Variants in FAAH2 observed in about 807,000 individuals in gnomAD.
The protein encoded by FAAH2 is fatty-acid amide hydrolase 2.
FAAH2 carries 60 observed loss-of-function variants against 36.9 expected under a neutral mutation model. The ratio of observed to expected loss-of-function variants is 1.63; its 90% confidence interval spans 1.32 to 2.02. The LOEUF is 2.02. Among genes scored for constraint, FAAH2 ranks in the 30% most tolerant of loss-of-function variants. The probability of loss-of-function intolerance (pLI) is 0.00; values close to 1 mark genes in which losing one functional copy is unlikely to be tolerated. For missense variants in FAAH2, 689 were observed against 397.5 expected (o/e 1.73, Z -6.23); for synonymous variants, 214 against 143.8 (o/e 1.49, Z -3.49).
At chrX:57,442,375 G>C (rs2056578885) in intron 8 of FAAH2, among the ~76,000 whole-genome samples, 1 of 111,563 alleles carries the variant, frequency 9.0e-6, no homozygotes, top group Non-Finnish European at 1.9e-5. Context: ...GGCCTTCTTT[G>C]TCTCTTTTGA....
intron 2 of FAAH2, among the ~76,000 whole-genome samples, chrX:57,309,937 A>G (rs748775133): frequency 1.2e-4 from 13 of 111,946 alleles, no homozygotes; most frequent in Non-Finnish European, 2.1e-4. Flanking sequence ...TCTTTTGGGT[A>G]TATATCCAAT....
chrX:57,391,055 T>A (rs1015930229), intron 7 of FAAH2, among the ~76,000 whole-genome samples: 3 of 111,953 alleles, frequency 2.7e-5, no homozygotes, highest in Admixed American at 9.5e-5. Context: ...GGTTTTAATT[T>A]ACATTTCTCT....
chrX:57,457,256 A>G (rs2056878260), intron 10 of FAAH2, among the ~76,000 whole-genome samples: 2 of 111,704 alleles, frequency 1.8e-5, no homozygotes, highest in African/African-American at 6.5e-5. Flanking sequence ...ACATCCCTTA[A>G]TGACAAAAGC....
intron 3 of FAAH2, among the ~76,000 whole-genome samples, chrX:57,318,676 C>A (rs1483080056): frequency 9.0e-6 from 1 of 111,624 alleles, no homozygotes; most frequent in Non-Finnish European, 1.9e-5. Flanking sequence ...TTTTATGGGG[C>A]CAGCATCGTC....
At chrX:57,271,286 C>T in the FAAH2 span, among the ~76,000 whole-genome samples, 1 of 112,793 alleles carries the variant, frequency 8.9e-6, no homozygotes, top group African/African-American at 3.2e-5. Flanking sequence ...CAGATTTCTC[C>T]TCTCTGGACA....
intron 7 of FAAH2, chrX:57,394,658 AC>A (rs200105825): frequency 0.17 from 163,688 of 944,630 alleles, 12,030 homozygotes; most frequent in Non-Finnish European, 0.2. Context: ...ATGCCACATC[AC>A]CCACAACTTT....
At chrX:57,420,068 A>T (rs2055968950) in intron 7 of FAAH2, among the ~76,000 whole-genome samples, 1 of 111,301 alleles carries the variant, frequency 9.0e-6, no homozygotes, top group Non-Finnish European at 1.9e-5. Context: ...GTTCTTTTCC[A>T]TTGATATATA....
At chrX:57,265,153 G>A in the FAAH2 span, among the ~76,000 whole-genome samples, 1 of 111,562 alleles carries the variant, frequency 9.0e-6, no homozygotes, top group Admixed American at 9.5e-5. Flanking sequence ...TGGGCCTTCA[G>A]TCTGACACAG....
intron 5 of FAAH2, among the ~76,000 whole-genome samples, chrX:57,359,002 C>A (rs1182604430): frequency 9.0e-6 from 1 of 110,786 alleles, no homozygotes; most frequent in Non-Finnish European, 1.9e-5. Flanking sequence ...GGATTTTCAT[C>A]ACCTGTAGCA....
intron 8 of FAAH2, among the ~76,000 whole-genome samples, chrX:57,441,710 A>T (rs986301160): frequency 2.7e-5 from 3 of 110,984 alleles, no homozygotes; most frequent in Non-Finnish European, 3.8e-5. Flanking sequence ...TAGGGTGTCA[A>T]TTTGAGATCT....
At chrX:57,447,333 G>T (rs896525795) in intron 9 of FAAH2, among the ~76,000 whole-genome samples, 3 of 111,174 alleles carry the variant, frequency 2.7e-5, no homozygotes, top group Non-Finnish European at 5.7e-5. Context: ...TTTTCTGGGT[G>T]TACTGTGCAA....
chrX:57,256,453 C>T, the FAAH2 span, among the ~76,000 whole-genome samples: 3 of 111,562 alleles, frequency 2.7e-5, no homozygotes, highest in South Asian at 3.7e-4. Context: ...AAAAGGACCC[C>T]GCATAGCCAA....
chrX:57,270,195 T>A, the FAAH2 span, among the ~76,000 whole-genome samples: 17 of 111,461 alleles, frequency 1.5e-4, no homozygotes, highest in African/African-American at 5.2e-4. Flanking sequence ...AACAGACCAA[T>A]AATGAGCTCT....
the FAAH2 span, among the ~76,000 whole-genome samples, chrX:57,281,434 A>G: frequency 2.7e-5 from 3 of 111,780 alleles, no homozygotes; most frequent in African/African-American, 6.5e-5. Context: ...TAAGACATAC[A>G]TTTGTTTTTA....
rs2055909440 is a variant in FAAH2 at position 57,418,544 on chromosome X, C to T, written c.997-13374C>T. Among the ~76,000 whole-genome samples the T allele has an allele frequency of 2.7e-5, 3 of 110,698 alleles. No homozygotes were observed. In the Admixed American group the frequency reaches 2.9e-4, roughly 11 times the overall value. ...GACACCCCACCCTGCTTTGGCTCATCCTCCATGGGCTTCACCCACTGTCTA... is the reference window on the plus strand; with the variant it reads ...GACACCCCACCCTGCTTTGGCTCATTCTCCATGGGCTTCACCCACTGTCTA... On this transcript the variant is annotated intron_variant, in intron 7 of 10. Coordinates refer to ENST00000374900, the MANE Select transcript of FAAH2 (RefSeq NM_174912.4).
chrX:57,376,619 G>A (rs1477817339), intron 5 of FAAH2, among the ~76,000 whole-genome samples: 2 of 111,904 alleles, frequency 1.8e-5, no homozygotes, highest in African/African-American at 6.5e-5. Flanking sequence ...TAACATACAT[G>A]TGCATGTGTC....
chrX:57,418,519 G>C (rs1036229825), intron 7 of FAAH2, among the ~76,000 whole-genome samples: 5 of 110,563 alleles, frequency 4.5e-5, no homozygotes, highest in African/African-American at 1.6e-4. Flanking sequence ...CAGGTGAGGT[G>C]ACACCCCACC....
chrX:57,418,067 C>G (rs927687198), intron 7 of FAAH2, among the ~76,000 whole-genome samples: 1 of 111,138 alleles, frequency 9.0e-6, no homozygotes, highest in African/African-American at 3.3e-5. Context: ...GTAATTGTGG[C>G]CCTCCCTCCC....
intron 5 of FAAH2, among the ~76,000 whole-genome samples, chrX:57,360,489 T>C (rs1171244643): frequency 1.8e-5 from 2 of 110,430 alleles, no homozygotes; most frequent in Non-Finnish European, 3.8e-5. Context: ...GCAATTCCAT[T>C]ATTCTATTCT....
Sources: allele counts gnomAD v4.1 joint callset (sites outside exome capture counted in the v4.1 genomes callset), GRCh38; gene constraint gnomAD v4.1.1; transcripts MANE v1.5; gene names NCBI Gene and HGNC (gene_info 2026-07-23, HGNC 2026-07-21).